Variants in OR11A1 observed in about 807,000 individuals in gnomAD.
OR11A1 encodes olfactory receptor 11A1.
For synonymous variants in OR11A1, 158 were observed against 152.2 expected (o/e 1.04, Z -0.28); for missense variants, 380 against 378.2 (o/e 1.00, Z -0.04).
chr6:29,438,776 C>T (rs1219324983), intron 1 of OR11A1, among the ~76,000 whole-genome samples: 1 of 145,766 alleles, frequency 6.9e-6, no homozygotes, highest in Non-Finnish European at 1.5e-5. Context: ...TAAAGAGAGA[C>T]AACAAACCTA....
chr6:29,451,609 G>A (rs1785390590), intron 1 of OR11A1, among the ~76,000 whole-genome samples: 1 of 152,148 alleles, frequency 6.6e-6, no homozygotes, highest in South Asian at 2.1e-4. Flanking sequence ...CTATTCATTA[G>A]AGAAATGCAA....
chr6:29,427,880 C>T (rs573871585), intron 4 of OR11A1, 148 bp from the exon 5 acceptor site: 35 of 668,102 alleles, frequency 5.2e-5, no homozygotes, highest in Non-Finnish European at 7.4e-5. Flanking sequence ...TATTCTTTAA[C>T]GCTCAGAAGA....
chr6:29,426,498 C>T lies in OR11A1; in HGVS notation c.*196G>A, dbSNP rs1474522558. ...CCATGACACAAGTTTACCTATGTAA[C>T]AAACCTGCACATGTACCCTTGAACT... On this transcript the variant is annotated 3_prime_UTR_variant, in exon 5 of 5. Coordinates refer to ENST00000377149, the MANE Select transcript of OR11A1 (RefSeq NM_001394828.1). The T allele has an allele frequency of 7.2e-6, 4 of 554,830 alleles. No individual in the cohort carries two copies. Among genetic ancestry groups the T allele is most frequent in the African/African-American group, 3.7e-5 (2 of 53,480 alleles). 34.4% of individuals were successfully genotyped at this position (554,830 alleles called of 1,614,324 possible). A position where few individuals can be genotyped will look rare whatever the true frequency, so the allele number is the denominator to read the frequency against.
intron 1 of OR11A1, among the ~76,000 whole-genome samples, chr6:29,448,079 T>TACAC (rs1207426414): frequency 1.4e-5 from 2 of 139,294 alleles, no homozygotes; most frequent in Admixed American, 7.7e-5. Context: ...TACAGTGGTG[T>TACAC]GATCTCGGCT....
In OR11A1 at chr6:29,427,039, G is replaced by A. The variant is rs2151358857; in HGVS notation, c.603C>T (p.Leu201=). The change falls in exon 5 of 5, where the codon CTC becomes CTT. Residue 201 remains leucine (L), a synonymous_variant. Coordinates refer to ENST00000377149, the MANE Select transcript of OR11A1 (RefSeq NM_001394828.1). ...TAGTGAGGCAGAACACAGACAGAAT[G>A]AGAGTTGTCACCTGAGCCACTCTGG... ...SDPRVAQVTT[L]ILSVFCLTIP... The A allele has an allele frequency of 6.2e-7, 1 of 1,612,344 alleles. No individual in the cohort carries two copies. The highest frequency in any genetic ancestry group is 1.3e-5 in the African/African-American group (1 of 75,034).
At chr6:29,456,312 G>A (rs886848125) in intron 1 of OR11A1, among the ~76,000 whole-genome samples, 1 of 151,508 alleles carries the variant, frequency 6.6e-6, no homozygotes, top group African/African-American at 2.4e-5. Flanking sequence ...CACGAGGTCA[G>A]GAGATCGAGA....
chr6:29,456,752 C>G (rs1786369202), intron 1 of OR11A1, among the ~76,000 whole-genome samples: 1 of 152,164 alleles, frequency 6.6e-6, no homozygotes, highest in Admixed American at 6.5e-5. Flanking sequence ...TATCCCAAAA[C>G]TTAATGGCTT....
At position 29,426,878 on chromosome 6, in the gene OR11A1, G is replaced by A. The variant is rs188690741; in HGVS notation, c.764C>T (p.Thr255Met). ...GGGTGCAACATAAAAGATCATGAGC[G>A]TTCCATAGAATGTGGTCACTACAGC... ...HLAVVTTFYG[T>M]LMIFYVAPSA... The change falls in exon 5 of 5, where the codon ACG (threonine) becomes ATG (methionine). Residue 255 changes from threonine to methionine, a missense_variant. Coordinates refer to ENST00000377149, the MANE Select transcript of OR11A1 (RefSeq NM_001394828.1). 1,466 of 1,613,096 alleles carry A rather than the reference G, an allele frequency of 9.1e-4. 10 individuals carry two copies. The highest frequency in any genetic ancestry group is 3.6e-3 in the South Asian group (330 of 91,082).
At chr6:29,450,071 GA>G in intron 1 of OR11A1, 1 of 152,288 alleles carries the variant, frequency 6.6e-6, no homozygotes, top group Non-Finnish European at 1.5e-5. Context: ...CTTTCTCACC[GA>G]AAAATGGGCC....
intron 1 of OR11A1, chr6:29,440,543 C>A (rs1215726941): frequency 6.2e-7 from 1 of 1,613,822 alleles, no homozygotes; most frequent in Non-Finnish European, 8.5e-7. Context: ...TCCCGCAGTT[C>A]TTCTGTGAGA....
intron 2 of OR11A1, among the ~76,000 whole-genome samples, chr6:29,430,921 G>T (rs1783185462): frequency 6.6e-6 from 1 of 152,162 alleles, no homozygotes; most frequent in African/African-American, 2.4e-5. Flanking sequence ...GGAAGTTGAT[G>T]AATTTAGAGT....
At chr6:29,450,158 A>G (rs1365743367) in intron 1 of OR11A1, 1 of 152,212 alleles carries the variant, frequency 6.6e-6, no homozygotes, top group Non-Finnish European at 1.5e-5. Context: ...AAACACAACA[A>G]TGGTCATTGT....
At chr6:29,449,436 AG>A (rs1033501667) in intron 1 of OR11A1, among the ~76,000 whole-genome samples, 26 of 152,212 alleles carry the variant, frequency 1.7e-4, no homozygotes, top group African/African-American at 5.3e-4. Context: ...CTTAATTACC[AG>A]AAGTTTCTAA....
intron 2 of OR11A1, among the ~76,000 whole-genome samples, chr6:29,430,967 G>C (rs949370182): frequency 3.3e-5 from 5 of 152,098 alleles, no homozygotes; most frequent in African/African-American, 9.7e-5. Context: ...ATTTGGAATT[G>C]GAAAACTCAA....
At chr6:29,429,100 AC>A in intron 3 of OR11A1, 140 bp from the exon 4 acceptor site, 1 of 156,536 alleles carries the variant, frequency 6.4e-6, no homozygotes, top group Non-Finnish European at 1.4e-5. Context: ...TAATAAATAT[AC>A]ATTATATTTA....
rs115880274 is a variant in OR11A1 at position 29,446,630 on chromosome 6, C to T, written c.-389+10357G>A. ...TAGAGAAACAAGCCTCAAGGCACAACGATTGACTGAGGTTAGACATTCGGC... is the reference window on the plus strand; with the variant it reads ...TAGAGAAACAAGCCTCAAGGCACAATGATTGACTGAGGTTAGACATTCGGC... On this transcript the variant is annotated intron_variant, in intron 1 of 4. Coordinates refer to ENST00000377149, the MANE Select transcript of OR11A1 (RefSeq NM_001394828.1). Among the ~76,000 whole-genome samples the T allele has an allele frequency of 8.0e-3, 1,225 of 152,286 alleles. 14 individuals carry two copies. Among genetic ancestry groups the T allele is most frequent in the East Asian group, 0.025 (132 of 5,182 alleles).
intron 1 of OR11A1, among the ~76,000 whole-genome samples, chr6:29,443,749 C>G (rs575543772): frequency 6.6e-6 from 1 of 152,266 alleles, no homozygotes; most frequent in South Asian, 2.1e-4. Flanking sequence ...AACATGACAG[C>G]TAGCAAGTTT....
rs528060218 is a variant in OR11A1, at chr6:29,427,517, A to G, written c.125T>C (p.Ile42Thr). ...VFTAVYVFII[I>T]GNMLIIVAVV... ...TGCTACAATAATCAGCATATTCCCT[A>G]TGATGATGAAGACATAGACAGCAGT... The change falls in exon 5 of 5, where the codon ATA (isoleucine) becomes ACA (threonine). Residue 42 changes from isoleucine (I) to threonine (T), a missense_variant. Transcript: ENST00000377149. 1.6e-5 allele frequency: 26 copies of G among 1,613,064 alleles called. No individual in the cohort carries two copies. In the East Asian group the frequency reaches 5.1e-4, roughly 32 times the overall value.
intron 3 of OR11A1, among the ~76,000 whole-genome samples, chr6:29,429,561 A>G (rs970261417): frequency 2.6e-5 from 4 of 152,210 alleles, no homozygotes; most frequent in Non-Finnish European, 5.9e-5. Context: ...CCTGAAAGAA[A>G]TAGTACTAGG....
Sources: gnomAD v4.1 joint callset for allele counts (sites outside exome capture counted in the v4.1 genomes callset) on GRCh38, gnomAD v4.1.1 for gene constraint, MANE v1.5 for transcripts, NCBI Gene and HGNC (gene_info 2026-07-23, HGNC 2026-07-21) for gene names.